The following CSMD1 variants were observed in gnomAD, a reference collection of about 807,000 sequenced individuals.
CSMD1 encodes CUB and Sushi multiple domains 1.
A neutral mutation model predicts 417.5 loss-of-function variants in CSMD1; 213 were observed. The ratio of observed to expected loss-of-function variants is 0.51; its 90% CI spans 0.46 to 0.57. The LOEUF (loss-of-function observed/expected upper bound fraction) is 0.57. Ranked by LOEUF, CSMD1 falls within the 20% of genes least tolerant of loss-of-function variation. The pLI, the probability that CSMD1 is intolerant of heterozygous loss-of-function variation, is 0.00. For missense variants in CSMD1, 6,923 were observed against 4,529.7 expected, an observed-to-expected ratio of 1.53 and a Z score of -15.17; for synonymous variants, 2,862 against 1,736.8, an observed-to-expected ratio of 1.65 and a Z score of -16.11.
intron 2 of CSMD1, among the ~76,000 whole-genome samples, chr8:4,544,298 C>G (rs535093639): frequency 7.9e-5 from 12 of 151,964 alleles, no homozygotes; most frequent in Non-Finnish European, 1.2e-4. Context: ...TGTAAGAGGT[C>G]TATTGTCAAT....
intron 5 of CSMD1, among the ~76,000 whole-genome samples, chr8:3,958,008 C>G (rs775581807): frequency 1.3e-5 from 2 of 152,060 alleles, no homozygotes; most frequent in South Asian, 2.1e-4. Flanking sequence ...CTAGATTAAA[C>G]CAGAGAAGAC....
At chr8:3,507,612 T>G (rs138955395) in intron 10 of CSMD1, among the ~76,000 whole-genome samples, 26,037 of 152,096 alleles carry the variant, frequency 0.17, 3,385 homozygotes, top group East Asian at 0.34. Context: ...CTAGTTTACA[T>G]TCCCACCAAC....
chr8:3,205,947 G>A (rs1156695661), intron 30 of CSMD1, among the ~76,000 whole-genome samples: 6 of 151,990 alleles, frequency 3.9e-5, no homozygotes, highest in Admixed American at 6.6e-5. Context: ...AAAGTCTCGC[G>A]GAGTTGTCTG....
intron 10 of CSMD1, among the ~76,000 whole-genome samples, chr8:3,568,143 A>G (rs1322188193): frequency 6.6e-6 from 1 of 152,222 alleles, no homozygotes; most frequent in Non-Finnish European, 1.5e-5. Context: ...TAAATACTTG[A>G]AAATTCATAT....
At chr8:3,695,422 A>G (rs1345825075) in intron 7 of CSMD1, among the ~76,000 whole-genome samples, 2 of 152,180 alleles carry the variant, frequency 1.3e-5, no homozygotes, top group Non-Finnish European at 2.9e-5. Context: ...GTACACTCCA[A>G]TTAATCCTCT....
chr8:4,175,810 A>T lies in CSMD1; in HGVS notation c.416-143711T>A, dbSNP rs184977745. Among the ~76,000 whole-genome samples the T allele has an allele frequency of 2.2e-3, 336 of 152,320 alleles. 1 individual carries two copies. Among genetic ancestry groups the T allele is most frequent in the Admixed American group, 4.1e-3 (62 of 15,290 alleles). On this transcript the variant is annotated intron_variant, in intron 3 of 69. Coordinates refer to ENST00000635120, the MANE Select transcript of CSMD1 (RefSeq NM_033225.6). ...ATGATGATCATGGCAATACAACAGC[A>T]TATATAAAAGTATGCAGAGTGAAAG... is the stretch of plus-strand genomic sequence containing the variant.
At chr8:3,102,053 C>T (rs1047922455) in intron 46 of CSMD1, among the ~76,000 whole-genome samples, 2 of 152,040 alleles carry the variant, frequency 1.3e-5, no homozygotes, top group Non-Finnish European at 2.9e-5. Flanking sequence ...CCTCCCACCT[C>T]GGCCTCCAAA....
intron 7 of CSMD1, among the ~76,000 whole-genome samples, chr8:3,669,654 T>C (rs1218477222): frequency 6.6e-6 from 1 of 152,086 alleles, no homozygotes; most frequent in Admixed American, 6.6e-5. Flanking sequence ...ATTTATTAAC[T>C]CAACAGATGT....
At chr8:3,026,216 A>C (rs1157868729) in intron 51 of CSMD1, among the ~76,000 whole-genome samples, 1 of 152,124 alleles carries the variant, frequency 6.6e-6, no homozygotes, top group Non-Finnish European at 1.5e-5. Context: ...ACAGAGGGCC[A>C]GGAGCTTAGT....
At chr8:3,994,449 A>C (rs866637796) in intron 5 of CSMD1, among the ~76,000 whole-genome samples, 5 of 136,256 alleles carry the variant, frequency 3.7e-5, no homozygotes, top group Non-Finnish European at 6.1e-5. Flanking sequence ...TCTCTTCAGA[A>C]AAAAAAAAAA....
chr8:4,788,183 T>A lies in CSMD1; in HGVS notation c.86-150625A>T. The A allele has an allele frequency of 3.8e-6, 6 of 1,595,192 alleles. No individual in the cohort carries two copies. In the South Asian group the frequency reaches 5.6e-5, roughly 15 times the overall value. ...AAATCAAGAAGGCCTGTGGAAATTTTGGCATTCCATGTGAACTTTGAGTAA... is the reference window on the plus strand; with the variant it reads ...AAATCAAGAAGGCCTGTGGAAATTTAGGCATTCCATGTGAACTTTGAGTAA... On this transcript the variant is annotated intron_variant, in intron 1 of 69. Transcript: ENST00000635120.
chr8:3,631,600 G>A lies in CSMD1; in HGVS notation c.1010-14803C>T, dbSNP rs1236036891. Among the ~76,000 whole-genome samples the A allele has an allele frequency of 2.0e-5, 3 of 152,290 alleles. No individual in the cohort carries two copies. In the East Asian group the frequency reaches 5.8e-4, roughly 29 times the overall value. ...AAGAAGCCAAATCGGTAGAAGACAG[G>A]GAAGGATCCATCGGTTTTGCAACAC... On this transcript the variant is annotated intron_variant, in intron 7 of 69. Transcript: ENST00000635120.
At chr8:2,987,324 G>A (rs1185926411) in intron 54 of CSMD1, among the ~76,000 whole-genome samples, 3 of 150,236 alleles carry the variant, frequency 2.0e-5, no homozygotes, top group African/African-American at 4.9e-5. Context: ...AGAGTCCATA[G>A]GAATTATATG....
At chr8:2,992,460 G>A (rs916450828) in intron 54 of CSMD1, among the ~76,000 whole-genome samples, 11 of 151,924 alleles carry the variant, frequency 7.2e-5, no homozygotes, top group African/African-American at 2.2e-4. Context: ...GTCTCGCTCT[G>A]TCAGTCAGGC....
At chr8:3,450,008 G>T (rs1815583586) in intron 12 of CSMD1, among the ~76,000 whole-genome samples, 1 of 152,218 alleles carries the variant, frequency 6.6e-6, no homozygotes, top group Non-Finnish European at 1.5e-5. Context: ...AGGGTCACCA[G>T]CTCCTCCTCA....
intron 1 of CSMD1, among the ~76,000 whole-genome samples, chr8:4,819,708 T>G (rs1799411394): frequency 6.6e-6 from 1 of 152,062 alleles, no homozygotes; most frequent in South Asian, 2.1e-4. Flanking sequence ...TTCTACAGAG[T>G]TCTTACAGAT....
intron 33 of CSMD1, among the ~76,000 whole-genome samples, chr8:3,195,247 C>A (rs1467124129): frequency 6.6e-6 from 1 of 152,090 alleles, no homozygotes; most frequent in Admixed American, 6.6e-5. Context: ...CAGAGGGATG[C>A]GGGAGAAGAC....
At chr8:4,025,705 T>C (rs189111316) in intron 4 of CSMD1, among the ~76,000 whole-genome samples, 3 of 152,142 alleles carry the variant, frequency 2.0e-5, no homozygotes, top group Non-Finnish European at 2.9e-5. Context: ...GTTGAAAGAT[T>C]ACCTCTCAAG....
intron 3 of CSMD1, among the ~76,000 whole-genome samples, chr8:4,206,427 C>T (rs1563272423): frequency 1.3e-5 from 2 of 152,026 alleles, no homozygotes; most frequent in Non-Finnish European, 2.9e-5. Context: ...TGACTGAGAA[C>T]ATGCGGTGTT....
Sources: gnomAD v4.1 joint callset for allele counts (sites outside exome capture counted in the v4.1 genomes callset) on GRCh38, gnomAD v4.1.1 for gene constraint, MANE v1.5 for transcripts, NCBI Gene and HGNC (gene_info 2026-07-23, HGNC 2026-07-21) for gene names.